BMP3: variants seen among roughly 807,000 people sequenced by gnomAD.
BMP3 encodes bone morphogenetic protein 3.
A neutral mutation model predicts 38.1 loss-of-function variants in BMP3; 23 were observed. The observed-to-expected ratio is 0.60, with a 90% confidence interval of 0.43 to 0.86. BMP3 has a LOEUF of 0.86. BMP3 is among the 40% of genes least tolerant of loss of function. The pLI is 0.00. For synonymous variants in BMP3, 258 were observed against 225.7 expected, an observed-to-expected ratio of 1.14 and a Z score of -1.28; for missense variants, 628 against 579.6, an observed-to-expected ratio of 1.08 and a Z score of -0.86.
Position 81,044,796 on chromosome 4 carries a change from C to T in BMP3, c.317-942C>T, listed in dbSNP as rs140844330. ...GGTTCATCCACATTGTAGCATGTGT[C>T]AGTACTTCATTCTTTTTCATGGAAG... On this transcript the variant is annotated intron_variant, in intron 1 of 2. Coordinates refer to ENST00000282701, the MANE Select transcript of BMP3 (RefSeq NM_001201.5). 1.3e-3 allele frequency among the ~76,000 whole-genome samples: 191 copies of T among 152,280 alleles called. 1 individual carries two copies. Among genetic ancestry groups the T allele is most frequent in the African/African-American group, 4.4e-3 (184 of 41,552 alleles).
intron 1 of BMP3, among the ~76,000 whole-genome samples, chr4:81,038,337 G>T (rs900085993): frequency 6.6e-6 from 1 of 152,134 alleles, no homozygotes; most frequent in African/African-American, 2.4e-5. Context: ...ATGAGCAGGG[G>T]CCTACAAAGC....
chr4:81,051,850 A>T (rs1234855914), intron 2 of BMP3, among the ~76,000 whole-genome samples: 1 of 151,618 alleles, frequency 6.6e-6, no homozygotes, highest in Non-Finnish European at 1.5e-5. Context: ...AGGAAAAAAA[A>T]GTAAGAACAG....
chr4:81,043,031 A>G (rs955089408), intron 1 of BMP3, among the ~76,000 whole-genome samples: 2 of 152,218 alleles, frequency 1.3e-5, no homozygotes, highest in Non-Finnish European at 2.9e-5. Context: ...AATGAATAGA[A>G]TATGTTTCCC....
At position 81,046,394 on chromosome 4, in the gene BMP3, C is replaced by T; in HGVS notation, c.973C>T (p.Gln325Ter). Reference sequence around the variant, plus strand: ...GGAGAGAAAGCCTTACAAGACCCTTCAGGCTCAGGCCCCTGAAAAGAGTAA... The same window carrying T: ...GGAGAGAAAGCCTTACAAGACCCTTTAGGCTCAGGCCCCTGAAAAGAGTAA... Reference protein sequence around the residue: ...WEERKPYKTLQAQAPEKSKNK... With the variant: ...WEERKPYKTL The change falls in exon 2 of 3, where the codon CAG becomes TAG. Residue 325 changes from glutamine (Q) to a stop codon, truncating the protein, a stop_gained. Coordinates refer to ENST00000282701, the MANE Select transcript of BMP3 (RefSeq NM_001201.5). LOFTEE classifies it high-confidence loss of function. The T allele has an allele frequency of 1.2e-6, 2 of 1,613,942 alleles. No homozygotes were observed. The highest frequency in any genetic ancestry group is 1.7e-6 in the Non-Finnish European group (2 of 1,179,976).
At chr4:81,047,375 T>C (rs1296599520) in intron 2 of BMP3, among the ~76,000 whole-genome samples, 2 of 152,098 alleles carry the variant, frequency 1.3e-5, no homozygotes, top group African/African-American at 4.8e-5. Context: ...TTTGCAGAAG[T>C]CTCTCCAACC....
rs1740210115 is a variant in BMP3, at chr4:81,045,682, T to C, written c.317-56T>C. 6 of 1,370,582 alleles carry C rather than the reference T, an allele frequency of 4.4e-6. No individual in the cohort carries two copies. In the East Asian group the frequency reaches 9.2e-5, roughly 21 times the overall value. The allele number at this position is 1,370,582 out of a possible 1,614,324, so 84.9% of individuals were successfully genotyped here. ...GATTCATTTTGAGTTAATTGTCATA[T>C]AGTGAAGTAATGGTCTTGTTTTCTC... is the stretch of plus-strand genomic sequence containing the variant. On this transcript the variant is annotated intron_variant, in intron 1 of 2. Transcript: ENST00000282701.
intron 1 of BMP3, among the ~76,000 whole-genome samples, chr4:81,040,743 G>A (rs1336505101): frequency 6.6e-6 from 1 of 152,116 alleles, no homozygotes; most frequent in Non-Finnish European, 1.5e-5. Flanking sequence ...CCCAAAATGA[G>A]GCATGCAATT....
At chr4:81,047,549 C>CA (rs3042536) in intron 2 of BMP3, among the ~76,000 whole-genome samples, 9,489 of 146,970 alleles carry the variant, frequency 0.065, 798 homozygotes, top group African/African-American at 0.2. Context: ...TCTGTTATAC[C>CA]AAAAAAAAAA....
intron 2 of BMP3, among the ~76,000 whole-genome samples, chr4:81,049,726 A>G (rs183097650): frequency 2.6e-4 from 40 of 152,312 alleles, no homozygotes; most frequent in African/African-American, 8.7e-4. Flanking sequence ...GGGGTAATTA[A>G]TAAACATCCC....
intron 1 of BMP3, among the ~76,000 whole-genome samples, chr4:81,044,602 C>T (rs1056879699): frequency 6.6e-6 from 1 of 152,152 alleles, no homozygotes; most frequent in African/African-American, 2.4e-5. Flanking sequence ...AAAACAAAAC[C>T]CTGTAACCAT....
chr4:81,036,306 T>C (rs1739922966), intron 1 of BMP3, among the ~76,000 whole-genome samples: 1 of 152,030 alleles, frequency 6.6e-6, no homozygotes, highest in Non-Finnish European at 1.5e-5. Context: ...GTCAATCAAA[T>C]TCCTTATATT....
intron 1 of BMP3, among the ~76,000 whole-genome samples, chr4:81,039,852 ATGGCCTT>A (rs1412538596): frequency 3.3e-5 from 5 of 152,210 alleles, no homozygotes; most frequent in African/African-American, 1.2e-4. Context: ...TAAGGAACTT[ATGGCCTT>A]AAGAAGGAGC....
chr4:81,036,963 T>C (rs1739940616), intron 1 of BMP3, among the ~76,000 whole-genome samples: 1 of 151,946 alleles, frequency 6.6e-6, no homozygotes, highest in Non-Finnish European at 1.5e-5. Context: ...ACCACGGTGG[T>C]TTTATTGACT....
rs1740531144 is a variant in BMP3 at position 81,055,566 on chromosome 4, T to C, written c.*2030T>C. 1 of 152,192 alleles carries C rather than the reference T, an allele frequency of 6.6e-6. No individual in the cohort carries two copies. The highest frequency in any genetic ancestry group is 1.5e-5 in the Non-Finnish European group (1 of 68,032). The allele number at this position is 152,192 out of a possible 1,614,324, so 9.4% of individuals were successfully genotyped here. ...GAAGGGGGCCAGAGTGTGGCCACCA[T>C]CCTGATCGTACTGTTTTTCAATAAA... is the stretch of plus-strand genomic sequence containing the variant. On this transcript the variant is annotated 3_prime_UTR_variant, in exon 3 of 3. Transcript: ENST00000282701.
rs758512803 is a variant in BMP3, at chr4:81,053,335, C to A, written c.1228-10C>A. ...TAACATATGTGTTCTTCTTTCATTT[C>A]TTTCTCTAGTCTTTGAAGCCATCAA... On this transcript the variant is annotated splice_polypyrimidine_tract_variant and intron_variant, in intron 2 of 2. Transcript: ENST00000282701. 3 of 1,532,490 alleles carry A rather than the reference C, an allele frequency of 2.0e-6. No individual in the cohort carries two copies. The highest frequency in any genetic ancestry group is 4.4e-5 in the Admixed American group (2 of 45,276). The allele number at this position is 1,532,490 out of a possible 1,614,324, so 94.9% of individuals were successfully genotyped here. A position where few individuals can be genotyped will look rare whatever the true frequency, so the allele number is the denominator to read the frequency against.
At chr4:81,041,173 ATAT>A (rs746405931) in intron 1 of BMP3, among the ~76,000 whole-genome samples, 3 of 152,176 alleles carry the variant, frequency 2.0e-5, no homozygotes, top group African/African-American at 4.8e-5. Context: ...AATTGAGTAG[ATAT>A]TATCATGCAC....
In BMP3 at chr4:81,031,426, T is replaced by A. The variant is rs1423016646; in HGVS notation, c.142T>A (p.Ser48Thr). 6.2e-7 allele frequency: 1 copy of A among 1,613,614 alleles called. No homozygotes were observed. The highest frequency in any genetic ancestry group is 8.5e-7 in the Non-Finnish European group (1 of 1,179,870). The change falls in exon 1 of 3, where the codon TCC becomes ACC. Residue 48 changes from serine (S) to threonine (T), a missense_variant. Ser to Thr is a moderately conservative substitution (Grantham distance 58). Coordinates refer to ENST00000282701, the MANE Select transcript of BMP3 (RefSeq NM_001201.5). The stretch of plus-strand genomic sequence containing the variant: ...CCGCACGGCAGGTGGTGGCCCGGAC[T>A]CCGAGCTGCAGCCGCAAGACAAGGT... ...GDRTAGGGPD[S>T]ELQPQDKVSE... is the part of the protein sequence containing the mutation.
rs761509414 is a variant in BMP3, at chr4:81,045,771, A to G, written c.350A>G (p.Asn117Ser). Residue 117 changes from asparagine to serine, a missense_variant, in exon 2 of 3, where the codon AAT becomes AGT. Transcript: ENST00000282701. Reference sequence around the variant, plus strand: ...GAAAGAAAAGGACTGTATATCTTCAATCTGACATCGCTAACCAAGTCTGAA... The same window carrying G: ...GAAAGAAAAGGACTGTATATCTTCAGTCTGACATCGCTAACCAAGTCTGAA... ...TLERKGLYIF[N>S]LTSLTKSENI... 21 of 1,611,268 alleles carry G rather than the reference A, an allele frequency of 1.3e-5. No homozygotes were observed. The highest frequency in any genetic ancestry group is 1.6e-5 in the Non-Finnish European group (19 of 1,179,022).
intron 2 of BMP3, among the ~76,000 whole-genome samples, chr4:81,048,869 A>G (rs1009120886): frequency 2.0e-5 from 3 of 152,228 alleles, no homozygotes; most frequent in African/African-American, 7.2e-5. Flanking sequence ...AGTAGAGCCT[A>G]AGATTCTGCA....
Sources: allele counts gnomAD v4.1 joint callset (sites outside exome capture counted in the v4.1 genomes callset), GRCh38; gene constraint gnomAD v4.1.1; transcripts MANE v1.5; gene names NCBI Gene and HGNC (gene_info 2026-07-23, HGNC 2026-07-21).